The following CACNA1H variants were observed in gnomAD, a reference collection of about 807,000 sequenced individuals.
The protein encoded by CACNA1H is calcium voltage-gated channel subunit alpha1 H.
CACNA1H carries 149 observed loss-of-function variants against 192.5 expected under a neutral mutation model. The ratio of observed to expected loss-of-function variants is 0.77; its 90% CI spans 0.68 to 0.89. The LOEUF is 0.89. Among genes scored for constraint, CACNA1H ranks in the 40% least tolerant of loss-of-function variants. CACNA1H has a pLI of 0.00. For synonymous variants in CACNA1H, 2,202 were observed against 1,475.2 expected (o/e 1.49, Z -11.29); for missense variants, 4,257 against 3,423.5 (o/e 1.24, Z -6.08).
rs995864699 is a variant in CACNA1H at position 1,197,280 on chromosome 16, G to A, written c.643+1257G>A. 9.8e-5 allele frequency among the ~76,000 whole-genome samples: 15 copies of A among 152,336 alleles called. No individual in the cohort carries two copies. The East Asian group carries it at 1.2e-3, about 12-fold the overall frequency. ...ACCATGACCCCAAGGGTGGCTGAGCGTGCGGTGAGGGGACGCGTGTGTGGC... is the reference window on the plus strand; with the variant it reads ...ACCATGACCCCAAGGGTGGCTGAGCATGCGGTGAGGGGACGCGTGTGTGGC... On this transcript the variant is annotated intron_variant, in intron 5 of 34. Transcript: ENST00000348261.
At position 1,198,021 on chromosome 16, in the gene CACNA1H, T is replaced by A. The variant is rs1476512530; in HGVS notation, c.644-594T>A. The stretch of plus-strand genomic sequence containing the variant: ...TCCCCACCGCCTCCAGCAGCCTCTC[T>A]CTGAGATGGGGCTCTGTTCTGGCAG... On this transcript the variant is annotated intron_variant, in intron 5 of 34. Transcript: ENST00000348261. 2.0e-5 allele frequency among the ~76,000 whole-genome samples: 3 copies of A among 152,128 alleles called. No individual in the cohort carries two copies. The East Asian group carries it at 5.8e-4, about 29-fold the overall frequency.
chr16:1,198,811 A>G (rs1275756524), intron 6 of CACNA1H, 37 bp downstream of exon 6: 6 of 1,578,530 alleles, frequency 3.8e-6, no homozygotes, highest in Non-Finnish European at 5.2e-6. Flanking sequence ...CCCTGCCCAG[A>G]TGGCCCTGCC....
chr16:1,210,473 G>A lies in CACNA1H; in HGVS notation c.3949G>A (p.Asp1317Asn). The change falls in exon 19 of 35, where the codon GAC (aspartate) becomes AAC (asparagine). Residue 1317 changes from aspartate (D) to asparagine (N), a missense_variant. Asp to Asn is a conservative substitution (Grantham distance 23). Coordinates refer to ENST00000348261, the MANE Select transcript of CACNA1H (RefSeq NM_021098.3). Reference sequence around the variant, plus strand: ...CGTCACCATCGCCCTGGAGAGGCCTGACATTGATCCCGGCAGCACCGTGAG... The same window carrying A: ...CGTCACCATCGCCCTGGAGAGGCCTAACATTGATCCCGGCAGCACCGTGAG... ...NCVTIALERP[D>N]IDPGSTERVF... 1 of 1,612,174 alleles carries A rather than the reference G, an allele frequency of 6.2e-7. No individual in the cohort carries two copies. The highest frequency in any genetic ancestry group is 8.5e-7 in the Non-Finnish European group (1 of 1,179,728).
At chr16:1,206,392 G>A (rs1030192930) in intron 12 of CACNA1H, 103 bp downstream of exon 12, 11 of 1,095,708 alleles carry the variant, frequency 1.0e-5, no homozygotes, top group Non-Finnish European at 1.4e-5. Flanking sequence ...CCTCCCACCA[G>A]CAGCCCCAGA....
At chr16:1,171,789 G>A (rs569818305) in intron 2 of CACNA1H, among the ~76,000 whole-genome samples, 25 of 152,298 alleles carry the variant, frequency 1.6e-4, no homozygotes, top group Admixed American at 1.3e-3. Context: ...TCTCAGGCTG[G>A]GCAGACACTA....
Position 1,214,986 on chromosome 16 carries a change from C to T in CACNA1H, c.4944C>T (p.Ala1648=), listed in dbSNP as rs1448726368. The T allele has an allele frequency of 1.9e-6, 3 of 1,609,892 alleles. No individual in the cohort carries two copies. Among genetic ancestry groups the T allele is most frequent in the African/African-American group, 2.7e-5 (2 of 74,862 alleles). Residue 1648 remains alanine (A), a synonymous_variant, in exon 28 of 35, where the codon GCC becomes GCT. Coordinates refer to ENST00000348261, the MANE Select transcript of CACNA1H (RefSeq NM_021098.3). The part of the protein sequence containing the change: ...HYNQPKSLDE[A]LKYCNYVFTI... ...TCCACCCCCAGTCGCTGGACGAGGC[C>T]CTCAAGTACTGCAACTACGTCTTCA... is the stretch of plus-strand genomic sequence containing the variant.
chr16:1,194,064 A>AG, intron 2 of CACNA1H, among the ~76,000 whole-genome samples: 1 of 150,656 alleles, frequency 6.6e-6, no homozygotes, highest in South Asian at 2.1e-4. Context: ...GCCAGGGGTG[A>AG]GGGGGAGCCG....
Position 1,198,633 on chromosome 16 carries a change from C to T in CACNA1H, c.662C>T (p.Thr221Ile), listed in dbSNP as rs1368252007. Reference sequence around the variant, plus strand: ...CCCACAGGCATGCGGATCCTGGTCACTCTGCTGCTGGATACGCTGCCCATG... The same window carrying T: ...CCCACAGGCATGCGGATCCTGGTCATTCTGCTGCTGGATACGCTGCCCATG... ...NRVPSMRILV[T>I]LLLDTLPMLG... Residue 221 changes from threonine (T) to isoleucine (I), a missense_variant, in exon 6 of 35, where the codon ACT becomes ATT. Transcript: ENST00000348261. The T allele has an allele frequency of 4.3e-6, 7 of 1,613,272 alleles. No individual in the cohort carries two copies. The highest frequency in any genetic ancestry group is 5.9e-6 in the Non-Finnish European group (7 of 1,179,620).
At chr16:1,201,470 A>T (rs1435886726) in intron 8 of CACNA1H, among the ~76,000 whole-genome samples, 193 bp from the exon 9 acceptor site, 1 of 152,288 alleles carries the variant, frequency 6.6e-6, no homozygotes, top group East Asian at 1.9e-4. Flanking sequence ...GGCACAAAGC[A>T]GCTACTGTAT....
chr16:1,185,363 CAGGATTGG>C lies in CACNA1H; in HGVS notation c.300-9608_300-9601del, dbSNP rs1478796441. On this transcript the variant is annotated intron_variant, in intron 2 of 34. Transcript: ENST00000348261. ...CCGTTTCCTTTGTCCCTGGTGTAGG[CAGGATTGG>C]CGTTCATAGCCTCACCCACCGGTTA... is the stretch of plus-strand genomic sequence containing the variant. 4.6e-5 allele frequency among the ~76,000 whole-genome samples: 7 copies of C among 152,158 alleles called. No individual in the cohort carries two copies. The South Asian group carries it at 1.5e-3, about 32-fold the overall frequency.
Position 1,209,059 on chromosome 16 carries a change from C to T in CACNA1H, c.3391C>T (p.Pro1131Ser), listed in dbSNP as rs377297229. Reference sequence around the variant, plus strand: ...CAGCCTCCGAAGTTCTCCCTGTGCCCCCTGGGGCCCCAGTGGCGCCTGGAG... The same window carrying T: ...CAGCCTCCGAAGTTCTCCCTGTGCCTCCTGGGGCCCCAGTGGCGCCTGGAG... ...PASLRSSPCAPWGPSGAWSSR... is the reference protein window; with the variant it reads ...PASLRSSPCASWGPSGAWSSR... Residue 1131 changes from proline to serine, a missense_variant, in exon 17 of 35, where the codon CCC becomes TCC. Transcript: ENST00000348261. 7 of 1,536,648 alleles carry T rather than the reference C, an allele frequency of 4.6e-6. No individual in the cohort carries two copies. The South Asian group carries it at 6.2e-5, about 14-fold the overall frequency.
At chr16:1,215,421 G>T in intron 29 of CACNA1H, 46 bp downstream of exon 29, 2 of 1,589,636 alleles carry the variant, frequency 1.3e-6, no homozygotes, top group East Asian at 2.3e-5. Flanking sequence ...GGTGGAGGGT[G>T]GGGGCTCAGC....
chr16:1,183,669 G>A (rs538461681), intron 2 of CACNA1H, among the ~76,000 whole-genome samples: 2 of 152,370 alleles, frequency 1.3e-5, no homozygotes, highest in South Asian at 2.1e-4. Context: ...GGAGCTCCCC[G>A]GGCACCGTCC....
At chr16:1,156,645 G>A (rs1233473227) in intron 2 of CACNA1H, among the ~76,000 whole-genome samples, 1 of 152,164 alleles carries the variant, frequency 6.6e-6, no homozygotes, top group Non-Finnish European at 1.5e-5. Flanking sequence ...CCCTCCTGAA[G>A]AGGGTGAACT....
intron 16 of CACNA1H, among the ~76,000 whole-genome samples, 192 bp downstream of exon 16, chr16:1,208,413 G>T: frequency 6.6e-6 from 1 of 152,200 alleles, no homozygotes; most frequent in Non-Finnish European, 1.5e-5. Flanking sequence ...TGAGGCCGGT[G>T]TGAAGGGGCA....
chr16:1,185,625 C>T (rs1334144110), intron 2 of CACNA1H, among the ~76,000 whole-genome samples: 9 of 116,466 alleles, frequency 7.7e-5, no homozygotes, highest in South Asian at 2.6e-4. Flanking sequence ...AGGCGGGGTA[C>T]GTGGGGGGCG....
At chr16:1,178,068 C>G (rs183044778) in intron 2 of CACNA1H, among the ~76,000 whole-genome samples, 1 of 102,268 alleles carries the variant, frequency 9.8e-6, no homozygotes, top group Non-Finnish European at 2.1e-5. Context: ...AACCCCCCCC[C>G]CCATGGACTC....
Position 1,220,624 on chromosome 16 carries a change from C to A in CACNA1H, c.6692C>A (p.Ser2231Tyr), listed in dbSNP as rs746267333. Residue 2231 changes from serine (S) to tyrosine (Y), a missense_variant, in exon 35 of 35, where the codon TCC becomes TAC. Ser to Tyr is a moderately radical substitution (Grantham distance 144). Coordinates refer to ENST00000348261, the MANE Select transcript of CACNA1H (RefSeq NM_021098.3). ...TGTGAGGCCACGCCTCACAGGGACT[C>A]CCTGGAGCCCACAGAGGGCTCAGGC... ...PSCEATPHRD[S>Y]LEPTEGSGAG... 1.3e-5 allele frequency: 21 copies of A among 1,594,662 alleles called. No individual in the cohort carries two copies. Among genetic ancestry groups the A allele is most frequent in the Non-Finnish European group, 1.8e-5 (21 of 1,172,068 alleles).
rs1965407841 is a variant in CACNA1H, at chr16:1,180,978, AG to A, written c.300-13991del. ...TCCGCCAGCTTCCCGGCCAGACCCA[AG>A]GGTGGAGCTCCAGGCCACGTTCCCA... On this transcript the variant is annotated intron_variant, in intron 2 of 34. Coordinates refer to ENST00000348261, the MANE Select transcript of CACNA1H (RefSeq NM_021098.3). This position sits in a 1 kb window ranked among gnomAD's most constrained non-coding sequence, Gnocchi z 4.4. Among the ~76,000 whole-genome samples, 1 of 152,166 alleles carries A rather than the reference AG, an allele frequency of 6.6e-6. No individual in the cohort carries two copies. Among genetic ancestry groups the A allele is most frequent in the Non-Finnish European group, 1.5e-5 (1 of 68,012 alleles).
Sources: allele counts gnomAD v4.1 joint callset (sites outside exome capture counted in the v4.1 genomes callset), GRCh38; gene constraint gnomAD v4.1.1; non-coding constraint Gnocchi (gnomAD v3.1); transcripts MANE v1.5; gene names NCBI Gene and HGNC (gene_info 2026-07-23, HGNC 2026-07-21).